The following PTGER1 variants were observed in gnomAD, a reference collection of about 807,000 sequenced individuals.
The protein encoded by PTGER1 is prostaglandin E receptor 1.
PTGER1 carries 15 observed loss-of-function variants against 18.5 expected under a neutral mutation model. The ratio of observed to expected loss-of-function variants is 0.81; its 90% confidence interval spans 0.54 to 1.25. The LOEUF (loss-of-function observed/expected upper bound fraction) is 1.25. Ranked by LOEUF, PTGER1 falls within the 50% of genes most tolerant of loss-of-function variation. PTGER1 has a pLI of 0.00. For missense variants in PTGER1, 567 were observed against 603.4 expected (o/e 0.94, Z 0.63); for synonymous variants, 339 against 308.4 (o/e 1.10, Z -1.04).
At position 14,474,491 on chromosome 19, in the gene PTGER1, A is replaced by T. The variant is rs996736529; in HGVS notation, c.-17-154T>A. The stretch of plus-strand genomic sequence containing the variant: ...CAGTTGCCATGGGCAACTCCAAATG[A>T]CCTGGCCACTCCATTTGGAAACCCT... On this transcript the variant is annotated intron_variant, in intron 1 of 2. Transcript: ENST00000292513. This position sits in a 1 kb window ranked among gnomAD's most constrained non-coding sequence, Gnocchi z 5.4. 2.6e-5 allele frequency among the ~76,000 whole-genome samples: 4 copies of T among 151,610 alleles called. No homozygotes were observed. Among genetic ancestry groups the T allele is most frequent in the Non-Finnish European group, 5.9e-5 (4 of 67,844 alleles).
At position 14,472,832 on chromosome 19, in the gene PTGER1, G is replaced by C. The variant is rs1373369157; in HGVS notation, c.943-6C>G. The C allele has an allele frequency of 3.9e-6, 6 of 1,546,846 alleles. No homozygotes were observed. Among genetic ancestry groups the C allele is most frequent in the Non-Finnish European group, 5.2e-6 (6 of 1,148,538 alleles). Reference sequence around the variant, plus strand: ...ACGGCCAGCGCCACCAACACCTGCGGGGGAAGCCGGTGTGAGCTATAGAGC... The same window carrying C: ...ACGGCCAGCGCCACCAACACCTGCGCGGGAAGCCGGTGTGAGCTATAGAGC... On this transcript the variant is annotated splice_polypyrimidine_tract_variant and splice_region_variant and intron_variant, in intron 2 of 2. Transcript: ENST00000292513.
In PTGER1 at chr19:14,475,244, C is replaced by T. The variant is rs1311836000; in HGVS notation, c.-18+18G>A. On this transcript the variant is annotated intron_variant, in intron 1 of 2. Transcript: ENST00000292513. ...CTCCTCCTCCCCAATCAGGGACCCT[C>T]ATGTGCAACCCCCTTACCCGGCACT... 3 of 152,658 alleles carry T rather than the reference C, an allele frequency of 2.0e-5. No homozygotes were observed. Among genetic ancestry groups the T allele is most frequent in the Admixed American group, 6.5e-5 (1 of 15,292 alleles). 9.5% of individuals were successfully genotyped at this position (152,658 alleles called of 1,614,324 possible).
chr19:14,475,020 C>T (rs1402411539), intron 1 of PTGER1, among the ~76,000 whole-genome samples: 1 of 152,202 alleles, frequency 6.6e-6, no homozygotes, highest in East Asian at 1.9e-4. Flanking sequence ...CATATCCCTG[C>T]CCCAGAGGCC....
In PTGER1 at chr19:14,473,878, C is replaced by T. The variant is rs1599339742; in HGVS notation, c.443G>A (p.Arg148Gln). The stretch of plus-strand genomic sequence containing the variant: ...CAGGCGCGCGCGGGCGACCGAGACC[C>T]GCGCGGCGTGGAGCAGCGGCCGCGT... Reference protein sequence around the residue: ...GVTRPLLHAARVSVARARLAL... With the variant: ...GVTRPLLHAAQVSVARARLAL... The change falls in exon 2 of 3, where the codon CGG (arginine) becomes CAG (glutamine). Residue 148 changes from arginine to glutamine, a missense_variant. Arg to Gln is a conservative substitution (Grantham distance 43, BLOSUM62 1). Transcript: ENST00000292513. This position sits in a 1 kb window ranked among gnomAD's most constrained non-coding sequence, Gnocchi z 7.1. 3 of 1,270,142 alleles carry T rather than the reference C, an allele frequency of 2.4e-6. No homozygotes were observed. The highest frequency in any genetic ancestry group is 3.0e-4 in the Middle Eastern group (1 of 3,342). The allele number at this position is 1,270,142 out of a possible 1,614,324, so 78.7% of individuals were successfully genotyped here.
chr19:14,472,935 C>A (rs2071579279), intron 2 of PTGER1, 109 bp from the exon 3 acceptor site: 2 of 1,129,868 alleles, frequency 1.8e-6, no homozygotes, highest in South Asian at 1.6e-5. Flanking sequence ...GGCGAGCCGT[C>A]GCAGGGAGGG....
chr19:14,474,188 G>A lies in PTGER1; in HGVS notation c.133C>T (p.Leu45=), dbSNP rs779584759. 23 of 1,517,130 alleles carry A rather than the reference G, an allele frequency of 1.5e-5. No individual in the cohort carries two copies. The highest frequency in any genetic ancestry group is 2.0e-5 in the Non-Finnish European group (23 of 1,138,666). The allele number at this position is 1,517,130 out of a possible 1,614,324, so 94.0% of individuals were successfully genotyped here. ...SPALPIFSMT[L]GAVSNLLALA... ...GCCAGCAGGTTGGACACGGCGCCCA[G>A]CGTCATGGAGAAGATGGGCAGCGCG... The change falls in exon 2 of 3, where the codon CTG becomes TTG. Residue 45 remains leucine (L), a synonymous_variant. Transcript: ENST00000292513. This position sits in a 1 kb window ranked among gnomAD's most constrained non-coding sequence, Gnocchi z 5.4.
At position 14,474,098 on chromosome 19, in the gene PTGER1, G is replaced by A; in HGVS notation, c.223C>T (p.Leu75=). Residue 75 remains leucine, a synonymous_variant, in exon 2 of 3, where the codon CTG becomes TTG. Transcript: ENST00000292513. The surrounding 1 kb of genome is among the most constrained non-coding windows in gnomAD (Gnocchi z 5.4). ...RRRRSAATFL[L]FVASLLATDL... is the part of the protein sequence containing the mutation. ...GTGGCCAGCAGGCTGGCCACGAACAGCAGGAAGGTGGCGGCCGAGCGGCGG... is the reference window on the plus strand; with the variant it reads ...GTGGCCAGCAGGCTGGCCACGAACAACAGGAAGGTGGCGGCCGAGCGGCGG... 1 of 1,469,192 alleles carries A rather than the reference G, an allele frequency of 6.8e-7. No individual in the cohort carries two copies. Among genetic ancestry groups the A allele is most frequent in the Non-Finnish European group, 9.0e-7 (1 of 1,116,152 alleles). 91.0% of individuals were successfully genotyped at this position (1,469,192 alleles called of 1,614,324 possible).
chr19:14,472,981 A>T (rs1340834055), intron 2 of PTGER1, among the ~76,000 whole-genome samples, 155 bp from the exon 3 acceptor site: 1 of 151,926 alleles, frequency 6.6e-6, no homozygotes, highest in African/African-American at 2.4e-5. Context: ...GATGCGGAAA[A>T]AAAAGGGGGG....
chr19:14,473,721 C>T lies in PTGER1; in HGVS notation c.600G>A (p.Gln200=). Residue 200 remains glutamine, a synonymous_variant, in exon 2 of 3, where the codon CAG becomes CAA. Coordinates refer to ENST00000292513, the MANE Select transcript of PTGER1 (RefSeq NM_000955.3). This position sits in a 1 kb window ranked among gnomAD's most constrained non-coding sequence, Gnocchi z 7.1. ...TGGCGAAGAGGCCAGCAAGCAGTGC[C>T]TGGCGCCAGCCGCCCGGGGGACCCA... ...IGLGPPGGWR[Q]ALLAGLFASL... is the part of the protein sequence containing the mutation. 1 of 1,464,506 alleles carries T rather than the reference C, an allele frequency of 6.8e-7. No homozygotes were observed. Among genetic ancestry groups the T allele is most frequent in the Non-Finnish European group, 9.0e-7 (1 of 1,113,850 alleles). The allele number at this position is 1,464,506 out of a possible 1,614,324, so 90.7% of individuals were successfully genotyped here.
Position 14,473,698 on chromosome 19 carries a change from G to A in PTGER1, c.623C>T (p.Ala208Val). The change falls in exon 2 of 3, where the codon GCC becomes GTC. Residue 208 changes from alanine to valine, a missense_variant. Coordinates refer to ENST00000292513, the MANE Select transcript of PTGER1 (RefSeq NM_000955.3). This position sits in a 1 kb window ranked among gnomAD's most constrained non-coding sequence, Gnocchi z 7.1. The part of the protein sequence containing the change: ...WRQALLAGLF[A>V]SLGLVALLAA... ...GAGGAGCGCGACCAGGCCGAGGCTG[G>A]CGAAGAGGCCAGCAAGCAGTGCCTG... The A allele has an allele frequency of 1.4e-6, 2 of 1,475,848 alleles. No individual in the cohort carries two copies. Among genetic ancestry groups the A allele is most frequent in the Non-Finnish European group, 1.8e-6 (2 of 1,119,908 alleles). 91.4% of individuals were successfully genotyped at this position (1,475,848 alleles called of 1,614,324 possible).
Position 14,473,698 on chromosome 19 carries a change from G to T in PTGER1, c.623C>A (p.Ala208Asp), listed in dbSNP as rs1369270266. 2.0e-6 allele frequency: 3 copies of T among 1,475,848 alleles called. No homozygotes were observed. The highest frequency in any genetic ancestry group is 2.7e-6 in the Non-Finnish European group (3 of 1,119,908). 91.4% of individuals were successfully genotyped at this position (1,475,848 alleles called of 1,614,324 possible). A position where few individuals can be genotyped will look rare whatever the true frequency, so the allele number is the denominator to read the frequency against. The part of the protein sequence containing the change: ...WRQALLAGLF[A>D]SLGLVALLAA... ...GAGGAGCGCGACCAGGCCGAGGCTG[G>T]CGAAGAGGCCAGCAAGCAGTGCCTG... is the stretch of plus-strand genomic sequence containing the variant. The change falls in exon 2 of 3, where the codon GCC becomes GAC. Residue 208 changes from alanine to aspartate, a missense_variant. Physicochemically the swap from Ala to Asp is moderately radical, Grantham distance 126 (BLOSUM62 -2). Transcript: ENST00000292513. This position sits in a 1 kb window ranked among gnomAD's most constrained non-coding sequence, Gnocchi z 7.1.
chr19:14,475,022 C>T (rs2071599211), intron 1 of PTGER1, among the ~76,000 whole-genome samples: 1 of 152,200 alleles, frequency 6.6e-6, no homozygotes, highest in African/African-American at 2.4e-5. Context: ...TATCCCTGCC[C>T]CAGAGGCCTG....
chr19:14,473,354 C>T lies in PTGER1; in HGVS notation c.942+25G>A. 1 of 1,556,112 alleles carries T rather than the reference C, an allele frequency of 6.4e-7. No individual in the cohort carries two copies. Among genetic ancestry groups the T allele is most frequent in the South Asian group, 1.2e-5 (1 of 85,350 alleles). On this transcript the variant is annotated intron_variant, in intron 2 of 2. Transcript: ENST00000292513. The surrounding 1 kb of genome is among the most constrained non-coding windows in gnomAD (Gnocchi z 7.1). ...CGAGAGGGAGCGGGAAGGAGCGTGG[C>T]TCGAGGGGCCGGTGCGCCCCTCACC...
rs1472932769 is a variant in PTGER1, at chr19:14,474,108, G to T, written c.213C>A (p.Ala71=). The T allele has an allele frequency of 6.9e-7, 1 of 1,457,830 alleles. No individual in the cohort carries two copies. The highest frequency in any genetic ancestry group is 2.7e-5 in the Admixed American group (1 of 37,342). The allele number at this position is 1,457,830 out of a possible 1,614,324, so 90.3% of individuals were successfully genotyped here. A position where few individuals can be genotyped will look rare whatever the true frequency, so the allele number is the denominator to read the frequency against. Residue 71 remains alanine, a synonymous_variant, in exon 2 of 3, where the codon GCC becomes GCA. Transcript: ENST00000292513. This position sits in a 1 kb window ranked among gnomAD's most constrained non-coding sequence, Gnocchi z 5.4. ...AGRLRRRRSA[A]TFLLFVASLL... The stretch of plus-strand genomic sequence containing the variant: ...GGCTGGCCACGAACAGCAGGAAGGT[G>T]GCGGCCGAGCGGCGGCGTCGCAGGC...
At position 14,474,179 on chromosome 19, in the gene PTGER1, C is replaced by T. The variant is rs2071594168; in HGVS notation, c.142G>A (p.Val48Met). ...AGCGCCAGCGCCAGCAGGTTGGACACGGCGCCCAGCGTCATGGAGAAGATG... is the reference window on the plus strand; with the variant it reads ...AGCGCCAGCGCCAGCAGGTTGGACATGGCGCCCAGCGTCATGGAGAAGATG... ...LPIFSMTLGA[V>M]SNLLALALLA... The change falls in exon 2 of 3, where the codon GTG becomes ATG. Residue 48 changes from valine to methionine, a missense_variant. Coordinates refer to ENST00000292513, the MANE Select transcript of PTGER1 (RefSeq NM_000955.3). This position sits in a 1 kb window ranked among gnomAD's most constrained non-coding sequence, Gnocchi z 5.4. 5.3e-6 allele frequency: 8 copies of T among 1,502,540 alleles called. No individual in the cohort carries two copies. The highest frequency in any genetic ancestry group is 7.1e-6 in the Non-Finnish European group (8 of 1,132,776). The allele number at this position is 1,502,540 out of a possible 1,614,324, so 93.1% of individuals were successfully genotyped here.
rs1328979143 is a variant in PTGER1, at chr19:14,472,542, T to C, written c.*18A>G. ...AGCCCAGGGTGGGCTGGCTTAGTCG[T>C]TGGGCCTCTGGTTGTGCTTAGAAGT... On this transcript the variant is annotated 3_prime_UTR_variant, in exon 3 of 3. Coordinates refer to ENST00000292513, the MANE Select transcript of PTGER1 (RefSeq NM_000955.3). 29 of 1,538,018 alleles carry C rather than the reference T, an allele frequency of 1.9e-5. 1 individual carries two copies. Among genetic ancestry groups the C allele is most frequent in the South Asian group, 3.7e-5 (3 of 80,812 alleles).
rs1232456014 is a variant in PTGER1, at chr19:14,474,138, C to T, written c.183G>A (p.Ala61=). 3.7e-5 allele frequency: 53 copies of T among 1,438,152 alleles called. No homozygotes were observed. The highest frequency in any genetic ancestry group is 4.5e-5 in the Non-Finnish European group (50 of 1,107,068). 89.1% of individuals were successfully genotyped at this position (1,438,152 alleles called of 1,614,324 possible). The change falls in exon 2 of 3, where the codon GCG becomes GCA. Residue 61 remains alanine, a synonymous_variant. Transcript: ENST00000292513. The surrounding 1 kb of genome is among the most constrained non-coding windows in gnomAD (Gnocchi z 5.4). Reference sequence around the variant, plus strand: ...CCGAGCGGCGGCGTCGCAGGCGGCCCGCGGCCTGCGCCAGCAGCGCCAGCG... The same window carrying T: ...CCGAGCGGCGGCGTCGCAGGCGGCCTGCGGCCTGCGCCAGCAGCGCCAGCG... ...LLALALLAQA[A]GRLRRRRSAA...
In PTGER1 at chr19:14,473,952, G is replaced by T; in HGVS notation, c.369C>A (p.Cys123Ter). ...CCATGCCACAGCCCAGCAGCAGCGGGCACAGGCCGAAGAAGACCATGCAGC... is the reference window on the plus strand; with the variant it reads ...CCATGCCACAGCCCAGCAGCAGCGGTCACAGGCCGAAGAAGACCATGCAGC... Reference protein sequence around the residue: ...LGGCMVFFGLCPLLLGCGMAV... With the variant: ...LGGCMVFFGL Residue 123 changes from cysteine (C) to a stop codon, truncating the protein, a stop_gained, in exon 2 of 3, where the codon TGC (cysteine) becomes TGA (stop). Coordinates refer to ENST00000292513, the MANE Select transcript of PTGER1 (RefSeq NM_000955.3). LOFTEE classifies it high-confidence loss of function. This position sits in a 1 kb window ranked among gnomAD's most constrained non-coding sequence, Gnocchi z 7.1. The T allele has an allele frequency of 6.8e-7, 1 of 1,480,286 alleles. No homozygotes were observed. Among genetic ancestry groups the T allele is most frequent in the Non-Finnish European group, 8.9e-7 (1 of 1,120,226 alleles). 91.7% of individuals were successfully genotyped at this position (1,480,286 alleles called of 1,614,324 possible). A position where few individuals can be genotyped will look rare whatever the true frequency, so the allele number is the denominator to read the frequency against.
rs2071594809 is a variant in PTGER1 at position 14,474,240 on chromosome 19, C to T, written c.81G>A (p.Ser27=). The part of the protein sequence containing the change: ...TCAAPWVPNT[S]AVPPSGASPA... ...GCGAAGCGCCCGACGGCGGCACGGC[C>T]GACGTGTTGGGGACCCAGGGCGCCG... The change falls in exon 2 of 3, where the codon TCG becomes TCA. Residue 27 remains serine, a synonymous_variant. Transcript: ENST00000292513. The surrounding 1 kb of genome is among the most constrained non-coding windows in gnomAD (Gnocchi z 5.4). The T allele has an allele frequency of 1.3e-6, 2 of 1,528,646 alleles. No homozygotes were observed. The highest frequency in any genetic ancestry group is 1.7e-6 in the Non-Finnish European group (2 of 1,143,718). The allele number at this position is 1,528,646 out of a possible 1,614,324, so 94.7% of individuals were successfully genotyped here.
Sources: gnomAD v4.1 joint callset for allele counts (sites outside exome capture counted in the v4.1 genomes callset) on GRCh38, gnomAD v4.1.1 for gene constraint, Gnocchi (gnomAD v3.1) non-coding constraint, MANE v1.5 for transcripts, NCBI Gene and HGNC (gene_info 2026-07-23, HGNC 2026-07-21) for gene names.